The following WDR93 variants were observed in gnomAD, a reference collection of about 807,000 sequenced individuals.
WDR93 encodes WD repeat domain 93.
In WDR93, 73 loss-of-function variants were observed where a neutral mutation model predicts 82.9. The observed-to-expected ratio is 0.88, with a 90% CI of 0.73 to 1.07. The LOEUF (loss-of-function observed/expected upper bound fraction) is 1.07, where lower values mean the gene tolerates loss of function less well. WDR93 is among the 50% of genes least tolerant of loss of function. The pLI is 0.00. For missense variants in WDR93, 738 were observed against 826.0 expected (o/e 0.89, Z 1.31); for synonymous variants, 283 against 300.1 (o/e 0.94, Z 0.59).
chr15:89,733,362 C>T (rs2141698677), intron 13 of WDR93, 143 bp downstream of exon 13: 2 of 752,994 alleles, frequency 2.7e-6, no homozygotes, highest in East Asian at 2.7e-5. Context: ...TGAAGATCAC[C>T]AATGTCACAT....
At chr15:89,707,756 T>C (rs1186655889) in intron 4 of WDR93, among the ~76,000 whole-genome samples, 1 of 152,228 alleles carries the variant, frequency 6.6e-6, no homozygotes, top group African/African-American at 2.4e-5. Context: ...GTTAAACATG[T>C]ACTTACCATG....
At chr15:89,728,992 T>C in intron 9 of WDR93, 31 bp from the exon 10 acceptor site, 1 of 1,597,716 alleles carries the variant, frequency 6.3e-7, no homozygotes, top group African/African-American at 1.3e-5. Flanking sequence ...GGAGTCTACA[T>C]GGCTCTGACT....
chr15:89,705,358 A>G, intron 3 of WDR93, 196 bp from the exon 4 acceptor site: 1 of 587,148 alleles, frequency 1.7e-6, no homozygotes, highest in Non-Finnish European at 3.1e-6. Flanking sequence ...CCCAGGAAGG[A>G]AAACAACCCG....
At position 89,727,310 on chromosome 15, in the gene WDR93, G is replaced by A. The variant is rs1180595431; in HGVS notation, c.1034G>A (p.Trp345Ter). 1 of 1,613,944 alleles carries A rather than the reference G, an allele frequency of 6.2e-7. No homozygotes were observed. Among genetic ancestry groups the A allele is most frequent in the Non-Finnish European group, 8.5e-7 (1 of 1,179,978 alleles). The change falls in exon 9 of 17, where the codon TGG becomes TAG. Residue 345 changes from tryptophan (W) to a stop codon, truncating the protein, a stop_gained. Coordinates refer to ENST00000268130, the MANE Select transcript of WDR93 (RefSeq NM_020212.2). LOFTEE classifies it high-confidence loss of function. ...ASYKKYLDRE[W>*]EEEPLSTATF... is the part of the protein sequence containing the mutation. ...TACAAGAAGTACCTAGATAGGGAGT[G>A]GGAGGAAGAGCCACTCAGGTGAGCC...
chr15:89,701,616 C>T (rs1251514619), intron 1 of WDR93, 91 bp from the exon 2 acceptor site: 1 of 1,095,994 alleles, frequency 9.1e-7, no homozygotes, highest in Non-Finnish European at 1.3e-6. Flanking sequence ...AATAAGCAGT[C>T]CCTATAGGCT....
intron 3 of WDR93, chr15:89,705,258 C>G (rs1965674463): frequency 2.6e-6 from 1 of 381,292 alleles, no homozygotes; most frequent in Non-Finnish European, 4.8e-6. Flanking sequence ...CTCAATCAGG[C>G]AGATAGGAAT....
In WDR93 at chr15:89,713,602, A is replaced by C. The variant is rs1182367828; in HGVS notation, c.641-1378A>C. 2.6e-5 allele frequency among the ~76,000 whole-genome samples: 4 copies of C among 151,878 alleles called. No homozygotes were observed. In the East Asian group the frequency reaches 7.7e-4, roughly 29 times the overall value. On this transcript the variant is annotated intron_variant, in intron 5 of 16. Transcript: ENST00000268130. ...ATTCTCCCACCTCAGCCTGCCAAGT[A>C]GCTGGGATTACAGGTACCTACAAGC... is the stretch of plus-strand genomic sequence containing the variant.
chr15:89,742,947 C>T (rs1005427475), intron 16 of WDR93, among the ~76,000 whole-genome samples: 3 of 152,228 alleles, frequency 2.0e-5, no homozygotes, highest in African/African-American at 7.2e-5. Flanking sequence ...CCTCAATAGT[C>T]ATCCATGGTG....
rs1224323417 is a variant in WDR93 at position 89,712,106 on chromosome 15, C to A, written c.640+2C>A. 1.2e-6 allele frequency: 2 copies of A among 1,610,240 alleles called. No homozygotes were observed. On this transcript the variant is annotated splice_donor_variant, in intron 5 of 16. Coordinates refer to ENST00000268130, the MANE Select transcript of WDR93 (RefSeq NM_020212.2). LOFTEE classifies it high-confidence loss of function. The stretch of plus-strand genomic sequence containing the variant: ...ACTTTGCAGCCTTCCTCCTACAAGG[C>A]AAGATTAACCAAAGACTGTTAAGGT...
At position 89,729,624 on chromosome 15, in the gene WDR93, C is replaced by T. The variant is rs147750508; in HGVS notation, c.1124-59C>T. On this transcript the variant is annotated intron_variant, in intron 10 of 16. Coordinates refer to ENST00000268130, the MANE Select transcript of WDR93 (RefSeq NM_020212.2). ...AACACCTTCTGTGCAAACCAAAGGC[C>T]ACCCAGATTTCCCCCTGTGTAACAC... 1.9e-4 allele frequency: 263 copies of T among 1,361,874 alleles called. No homozygotes were observed. The African/African-American group carries it at 3.4e-3, about 18-fold the overall frequency. The allele number at this position is 1,361,874 out of a possible 1,614,324, so 84.4% of individuals were successfully genotyped here. A position where few individuals can be genotyped will look rare whatever the true frequency, so the allele number is the denominator to read the frequency against.
At position 89,701,694 on chromosome 15, in the gene WDR93, C is replaced by G; in HGVS notation, c.-40-13C>G. The G allele has an allele frequency of 6.4e-7, 1 of 1,560,676 alleles. No individual in the cohort carries two copies. Among genetic ancestry groups the G allele is most frequent in the Non-Finnish European group, 8.7e-7 (1 of 1,153,146 alleles). ...CTTTCTTCCAGAATTCCTTTGTTTA[C>G]TTCTCTTATCAGCTTTTCAGTTTCA... is the stretch of plus-strand genomic sequence containing the variant. On this transcript the variant is annotated splice_polypyrimidine_tract_variant and intron_variant, in intron 1 of 16. Coordinates refer to ENST00000268130, the MANE Select transcript of WDR93 (RefSeq NM_020212.2).
At chr15:89,722,527 T>C (rs1966567463) in intron 8 of WDR93, among the ~76,000 whole-genome samples, 1 of 152,170 alleles carries the variant, frequency 6.6e-6, no homozygotes, top group Non-Finnish European at 1.5e-5. Flanking sequence ...AGCACAAAGA[T>C]GAGTAAAACA....
chr15:89,742,058 C>T (rs562265841), intron 16 of WDR93, among the ~76,000 whole-genome samples: 2 of 152,006 alleles, frequency 1.3e-5, no homozygotes, highest in East Asian at 1.9e-4. Context: ...GCCTCCAATA[C>T]ATTTTTAAGA....
chr15:89,713,661 C>T (rs1966105082), intron 5 of WDR93, among the ~76,000 whole-genome samples: 2 of 151,882 alleles, frequency 1.3e-5, no homozygotes, highest in South Asian at 2.1e-4. Flanking sequence ...TTAGTAGAGA[C>T]GGGGTTTCAC....
chr15:89,714,125 T>G (rs1028360161), intron 5 of WDR93: 5 of 152,176 alleles, frequency 3.3e-5, no homozygotes, highest in African/African-American at 1.2e-4. Flanking sequence ...TAGGTACATC[T>G]TTCCCAATTC....
chr15:89,701,983 C>T lies in WDR93; in HGVS notation c.237C>T (p.Asn79=), dbSNP rs374818023. Residue 79 remains asparagine, a synonymous_variant, in exon 2 of 17, where the codon AAC becomes AAT. Transcript: ENST00000268130. ...CTTGGGAAATTATTGAAGAGAGAAA[C>T]GCACTGAGGGAAGCTGAGAGCAGCC... ...DQSWEIIEER[N]ALREAESSQI... 1.7e-5 allele frequency: 27 copies of T among 1,613,560 alleles called. No homozygotes were observed. Among genetic ancestry groups the T allele is most frequent in the South Asian group, 1.5e-4 (14 of 91,044 alleles).
chr15:89,724,814 G>A (rs1396643613), intron 8 of WDR93, among the ~76,000 whole-genome samples: 1 of 152,212 alleles, frequency 6.6e-6, no homozygotes, highest in Non-Finnish European at 1.5e-5. Flanking sequence ...ACCACACCAA[G>A]TGATGGTGAA....
intron 1 of WDR93, among the ~76,000 whole-genome samples, chr15:89,701,335 C>T (rs1462805586): frequency 6.6e-6 from 1 of 152,062 alleles, no homozygotes; most frequent in Non-Finnish European, 1.5e-5. Context: ...TGGCTCACTG[C>T]CCACCTGGCT....
chr15:89,717,045 CTTTT>C (rs11457156), intron 7 of WDR93, 96 bp downstream of exon 7: 1,242 of 171,310 alleles, frequency 7.3e-3, no homozygotes, highest in Middle Eastern at 0.014. Flanking sequence ...CTTTTTCTTT[CTTTT>C]TTTTTTTTTT....
Sources: gnomAD v4.1 joint callset for allele counts (sites outside exome capture counted in the v4.1 genomes callset) on GRCh38, gnomAD v4.1.1 for gene constraint, MANE v1.5 for transcripts, NCBI Gene and HGNC (gene_info 2026-07-23, HGNC 2026-07-21) for gene names.